The following GTF2H1 variants were observed in gnomAD, a reference collection of about 807,000 sequenced individuals.
The protein encoded by GTF2H1 is general transcription factor IIH subunit 1.
A neutral mutation model predicts 71.2 loss-of-function variants in GTF2H1; 16 were observed. The ratio of observed to expected loss-of-function variants is 0.22; its 90% CI spans 0.15 to 0.34. GTF2H1 has a LOEUF of 0.34. GTF2H1 is among the 10% of genes least tolerant of loss of function. GTF2H1 has a pLI of 1.00. For synonymous variants in GTF2H1, 215 were observed against 219.0 expected (o/e 0.98, Z 0.16); for missense variants, 498 against 648.2 (o/e 0.77, Z 2.52).
chr11:18,362,274 C>T (rs1249248925), intron 14 of GTF2H1, among the ~76,000 whole-genome samples: 9 of 151,894 alleles, frequency 5.9e-5, no homozygotes, highest in Non-Finnish European at 1.0e-4. Flanking sequence ...AAAAGTGGTC[C>T]ACCTGTAAAG....
chr11:18,362,206 A>G (rs1346891172), intron 14 of GTF2H1, among the ~76,000 whole-genome samples: 1 of 152,194 alleles, frequency 6.6e-6, no homozygotes, highest in African/African-American at 2.4e-5. Flanking sequence ...TTTTAACACA[A>G]TGGTATGTGT....
intron 4 of GTF2H1, 116 bp from the exon 5 acceptor site, chr11:18,339,448 C>T (rs923295581): frequency 6.5e-6 from 4 of 619,990 alleles, no homozygotes; most frequent in African/African-American, 5.6e-5. Context: ...GGGACTTTCT[C>T]TGTCTATGCA....
chr11:18,339,025 C>T (rs1206398132), intron 4 of GTF2H1, among the ~76,000 whole-genome samples: 1 of 151,946 alleles, frequency 6.6e-6, no homozygotes, highest in Non-Finnish European at 1.5e-5. Flanking sequence ...GATTTGTAAA[C>T]TATATTAGAA....
rs1276946522 is a variant in GTF2H1 at position 18,355,950 on chromosome 11, G to A, written c.1261-2002G>A. Among the ~76,000 whole-genome samples, 7 of 152,222 alleles carry A rather than the reference G, an allele frequency of 4.6e-5. No homozygotes were observed. The East Asian group carries it at 1.3e-3, about 29-fold the overall frequency. ...ACCCACTTCACACAGGCTCTCCTGT[G>A]TCTTTCTGACAATATCCCCGTCATT... On this transcript the variant is annotated intron_variant, in intron 11 of 14. Coordinates refer to ENST00000265963, the MANE Select transcript of GTF2H1 (RefSeq NM_005316.4).
At chr11:18,363,236 G>T (rs1202290898) in intron 14 of GTF2H1, among the ~76,000 whole-genome samples, 1 of 152,126 alleles carries the variant, frequency 6.6e-6, no homozygotes, top group Non-Finnish European at 1.5e-5. Context: ...ATATAAGTAG[G>T]AGTACACCGT....
chr11:18,352,358 C>T lies in GTF2H1; in HGVS notation c.1172C>T (p.Ser391Leu), dbSNP rs1460028944. 6.4e-7 allele frequency: 1 copy of T among 1,563,122 alleles called. No individual in the cohort carries two copies. The highest frequency in any genetic ancestry group is 2.2e-5 in the East Asian group (1 of 44,572). Reference sequence around the variant, plus strand: ...TATCATGGTCCAACTCCAATCCAGTCACTACAGTATGCAACAAGTCAGGAC... The same window carrying T: ...TATCATGGTCCAACTCCAATCCAGTTACTACAGTATGCAACAAGTCAGGAC... ...RYYHGPTPIQSLQYATSQDII... is the reference protein window; with the variant it reads ...RYYHGPTPIQLLQYATSQDII... The change falls in exon 11 of 15, where the codon TCA (serine) becomes TTA (leucine). Residue 391 changes from serine to leucine, a missense_variant. This residue lies in a region of GTF2H1 where 266 missense variants were observed against 301.6 expected (regional missense o/e 0.88). Transcript: ENST00000265963.
At chr11:18,339,216 C>T (rs901954371) in intron 4 of GTF2H1, among the ~76,000 whole-genome samples, 3 of 152,138 alleles carry the variant, frequency 2.0e-5, no homozygotes, top group Non-Finnish European at 2.9e-5. Flanking sequence ...AGAAGTCAGT[C>T]AGTTAATGTT....
intron 1 of GTF2H1, among the ~76,000 whole-genome samples, chr11:18,323,576 T>C (rs1864631712): frequency 1.3e-5 from 2 of 151,836 alleles, no homozygotes; most frequent in South Asian, 2.1e-4. Flanking sequence ...AAAAAAAAAC[T>C]GAGTGGTTTG....
chr11:18,323,258 C>T (rs1367753784), intron 1 of GTF2H1, among the ~76,000 whole-genome samples: 1 of 151,998 alleles, frequency 6.6e-6, no homozygotes, highest in East Asian at 1.9e-4. Context: ...TGTAAATCCC[C>T]CAGTGTTCTC....
Position 18,347,897 on chromosome 11 carries a change from G to A in GTF2H1, c.1031G>A (p.Cys344Tyr). The A allele has an allele frequency of 1.9e-6, 3 of 1,613,552 alleles. No individual in the cohort carries two copies. The highest frequency in any genetic ancestry group is 2.2e-5 in the East Asian group (1 of 44,878). Reference protein sequence around the residue: ...NMDGNSGDADCFQPAVKRAKL... With the variant: ...NMDGNSGDADYFQPAVKRAKL... ...GATGGAAATTCCGGAGATGCAGACT[G>A]CTTTCAGCCAGCAGTCAAAAGGGTA... is the stretch of plus-strand genomic sequence containing the variant. Residue 344 changes from cysteine (C) to tyrosine (Y), a missense_variant, in exon 9 of 15, where the codon TGC becomes TAC. Coordinates refer to ENST00000265963, the MANE Select transcript of GTF2H1 (RefSeq NM_005316.4).
intron 7 of GTF2H1, chr11:18,341,981 A>C (rs1865167487): frequency 5.7e-6 from 1 of 174,804 alleles, no homozygotes; most frequent in Admixed American, 5.9e-5. Flanking sequence ...ATTGCTTACT[A>C]TCTGCCAAAC....
At chr11:18,327,474 T>C (rs999362449) in intron 1 of GTF2H1, among the ~76,000 whole-genome samples, 1 of 152,240 alleles carries the variant, frequency 6.6e-6, no homozygotes, top group Non-Finnish European at 1.5e-5. Context: ...AGCCTCTTGA[T>C]TTCTCAGACC....
At chr11:18,331,914 C>T (rs747370240) in intron 1 of GTF2H1, among the ~76,000 whole-genome samples, 3 of 152,128 alleles carry the variant, frequency 2.0e-5, no homozygotes, top group Admixed American at 6.5e-5. Context: ...GGTTGGAGTA[C>T]GGTGTGGTGA....
intron 5 of GTF2H1, 82 bp downstream of exon 5, chr11:18,339,739 A>G: frequency 3.7e-6 from 3 of 810,978 alleles, no homozygotes; most frequent in Non-Finnish European, 5.9e-6. Flanking sequence ...AAAGCTTCAG[A>G]TTCCTGATCA....
intron 1 of GTF2H1, among the ~76,000 whole-genome samples, chr11:18,324,714 C>T (rs1054543128): frequency 2.0e-5 from 3 of 151,508 alleles, no homozygotes; most frequent in East Asian, 3.9e-4. Context: ...GCAGTATCAG[C>T]CATTGACCTA....
At chr11:18,323,457 A>G (rs1362368569) in intron 1 of GTF2H1, among the ~76,000 whole-genome samples, 3 of 152,038 alleles carry the variant, frequency 2.0e-5, no homozygotes, top group Non-Finnish European at 4.4e-5. Flanking sequence ...CCTGGCCCCA[A>G]ATGACTCCTA....
At chr11:18,364,591 C>G (rs1286961785) in intron 14 of GTF2H1, among the ~76,000 whole-genome samples, 4 of 151,690 alleles carry the variant, frequency 2.6e-5, no homozygotes, top group Non-Finnish European at 4.4e-5. Flanking sequence ...GACCATGTCT[C>G]AAAAAAATAA....
intron 2 of GTF2H1, among the ~76,000 whole-genome samples, chr11:18,334,195 C>A (rs1590183720): frequency 6.6e-6 from 1 of 152,116 alleles, no homozygotes; most frequent in South Asian, 2.1e-4. Context: ...CTGGCTAACA[C>A]AATGAAACCC....
chr11:18,332,373 T>C (rs910116428), intron 1 of GTF2H1, among the ~76,000 whole-genome samples: 1 of 152,090 alleles, frequency 6.6e-6, no homozygotes, highest in African/African-American at 2.4e-5. Flanking sequence ...CACTCAAGCC[T>C]GGAGGATTTG....
Sources: gnomAD v4.1 joint callset for allele counts (sites outside exome capture counted in the v4.1 genomes callset) on GRCh38, gnomAD v4.1.1 for gene constraint, gnomAD v4.1.1 regional missense constraint, MANE v1.5 for transcripts, NCBI Gene and HGNC (gene_info 2026-07-23, HGNC 2026-07-21) for gene names.